Variants in AKAP7 observed in about 807,000 individuals in gnomAD.
The protein encoded by AKAP7 is A kinase (PRKA) anchor protein 7.
Under a neutral mutation model 39.5 loss-of-function variants are expected in AKAP7, and 39 were observed. That is an observed-to-expected ratio of 0.99 (90% CI 0.76 to 1.29). The LOEUF (loss-of-function observed/expected upper bound fraction) is 1.29, where lower values mean the gene tolerates loss of function less well. Ranked by LOEUF, AKAP7 falls within the 50% of genes most tolerant of loss-of-function variation. AKAP7 has a pLI of 0.00. For missense variants in AKAP7, 414 were observed against 407.7 expected (o/e 1.02, Z -0.13); for synonymous variants, 140 against 139.1 (o/e 1.01, Z -0.05).
Position 131,283,071 on chromosome 6 carries a change from C to T in AKAP7, c.*1345C>T, listed in dbSNP as rs905129302. 11 of 153,038 alleles carry T rather than the reference C, an allele frequency of 7.2e-5. No homozygotes were observed. The highest frequency in any genetic ancestry group is 2.1e-4 in the South Asian group (1 of 4,834). 9.5% of individuals were successfully genotyped at this position (153,038 alleles called of 1,614,324 possible). A position where few individuals can be genotyped will look rare whatever the true frequency, so the allele number is the denominator to read the frequency against. ...TTTGAATGTTTATTGAACAATAGTA[C>T]TTGAATGAACATTTATAAATGTAAT... On this transcript the variant is annotated 3_prime_UTR_variant, in exon 8 of 8. Transcript: ENST00000431975.
intron 5 of AKAP7, among the ~76,000 whole-genome samples, chr6:131,178,144 C>T (rs780927239): frequency 7.2e-5 from 11 of 152,172 alleles, no homozygotes; most frequent in Non-Finnish European, 1.3e-4. Flanking sequence ...GCAATGCTTG[C>T]GTCCTTCAGT....
chr6:131,222,347 A>G, intron 7 of AKAP7, among the ~76,000 whole-genome samples: 1 of 152,112 alleles, frequency 6.6e-6, no homozygotes, highest in Non-Finnish European at 1.5e-5. Context: ...AACACCGTGA[A>G]ACCCTGTCTC....
chr6:131,207,728 G>A (rs141479643), intron 6 of AKAP7, among the ~76,000 whole-genome samples: 104 of 151,796 alleles, frequency 6.9e-4, no homozygotes, highest in African/African-American at 2.4e-3. Context: ...TCCTGACCTG[G>A]GAGACAGAAT....
chr6:131,157,420 A>G (rs77421908), intron 2 of AKAP7, among the ~76,000 whole-genome samples: 1 of 152,338 alleles, frequency 6.6e-6, no homozygotes, highest in East Asian at 1.9e-4. Flanking sequence ...GTACTAATTT[A>G]TTAACAGTAG....
At chr6:131,235,121 T>C (rs1040490770) in intron 7 of AKAP7, among the ~76,000 whole-genome samples, 15 of 152,292 alleles carry the variant, frequency 9.8e-5, no homozygotes, top group African/African-American at 3.4e-4. Flanking sequence ...TGTGTTCTCA[T>C]TGTTCAATTC....
At chr6:131,193,151 G>A (rs1484151900) in intron 5 of AKAP7, among the ~76,000 whole-genome samples, 1 of 152,092 alleles carries the variant, frequency 6.6e-6, no homozygotes, top group Non-Finnish European at 1.5e-5. Context: ...TCCTTGTTAT[G>A]TTCCAGATGT....
At chr6:131,273,917 TA>T (rs1267628064) in intron 7 of AKAP7, among the ~76,000 whole-genome samples, 1 of 151,608 alleles carries the variant, frequency 6.6e-6, no homozygotes, top group Non-Finnish European at 1.5e-5. Flanking sequence ...TATTTTTGAG[TA>T]AAGAATTCTG....
In AKAP7 at chr6:131,169,271, C is replaced by T; in HGVS notation, c.587C>T (p.Ala196Val). The T allele has an allele frequency of 1.9e-6, 3 of 1,613,506 alleles. No individual in the cohort carries two copies. Among genetic ancestry groups the T allele is most frequent in the Non-Finnish European group, 2.5e-6 (3 of 1,179,780 alleles). Reference sequence around the variant, plus strand: ...CATGTAAACTCACTTTTGGAGATAGCAGGTAAAACAGCAACACACTCATAT... The same window carrying T: ...CATGTAAACTCACTTTTGGAGATAGTAGGTAAAACAGCAACACACTCATAT... ...GDHVNSLLEI[A>V]ETANRTFQEK... The change falls in exon 5 of 8, where the codon GCA (alanine) becomes GTA (valine). Residue 196 changes from alanine (A) to valine (V), a missense_variant and splice_region_variant. By Grantham distance (64) the Ala-to-Val change is moderately conservative (BLOSUM62 0). Transcript: ENST00000431975.
At chr6:131,259,073 C>T (rs1396380441) in intron 7 of AKAP7, among the ~76,000 whole-genome samples, 1 of 152,122 alleles carries the variant, frequency 6.6e-6, no homozygotes, top group Non-Finnish European at 1.5e-5. Context: ...CTCCTGACTT[C>T]GAGGTCAGAT....
chr6:131,227,862 A>G (rs1181437487), intron 7 of AKAP7, among the ~76,000 whole-genome samples: 1 of 152,168 alleles, frequency 6.6e-6, no homozygotes, highest in African/African-American at 2.4e-5. Context: ...AATCACCCTT[A>G]AGACACTCGG....
At chr6:131,167,448 A>G (rs1803616951) in intron 4 of AKAP7, among the ~76,000 whole-genome samples, 1 of 152,190 alleles carries the variant, frequency 6.6e-6, no homozygotes, top group Non-Finnish European at 1.5e-5. Context: ...TTCATTTAAA[A>G]CAAATATCTT....
chr6:131,276,375 G>A (rs1335905789), intron 7 of AKAP7, among the ~76,000 whole-genome samples: 2 of 151,992 alleles, frequency 1.3e-5, no homozygotes, highest in Non-Finnish European at 1.5e-5. Flanking sequence ...TAAGGGTCCC[G>A]GGACCGTGTC....
chr6:131,251,102 C>T (rs185950579), intron 7 of AKAP7, among the ~76,000 whole-genome samples: 6 of 152,176 alleles, frequency 3.9e-5, no homozygotes, highest in Non-Finnish European at 8.8e-5. Context: ...CTTTGTTCTT[C>T]CTGGATTCAA....
chr6:131,155,648 C>T (rs961214216), intron 2 of AKAP7, among the ~76,000 whole-genome samples: 2 of 152,244 alleles, frequency 1.3e-5, no homozygotes, highest in East Asian at 1.9e-4. Flanking sequence ...GGAATAAATG[C>T]TTGACTTTTT....
At chr6:131,231,107 A>G (rs1810589015) in intron 7 of AKAP7, among the ~76,000 whole-genome samples, 1 of 152,204 alleles carries the variant, frequency 6.6e-6, no homozygotes, top group South Asian at 2.1e-4. Flanking sequence ...CAACACTTTC[A>G]TAAATTAATT....
chr6:131,213,171 C>A (rs1256657978), intron 6 of AKAP7, among the ~76,000 whole-genome samples: 1 of 152,152 alleles, frequency 6.6e-6, no homozygotes, highest in African/African-American at 2.4e-5. Context: ...TGTTATGTGG[C>A]AAGTTAAAGT....
chr6:131,173,692 C>T (rs1053719811), intron 5 of AKAP7, among the ~76,000 whole-genome samples: 4 of 152,158 alleles, frequency 2.6e-5, no homozygotes, highest in Non-Finnish European at 4.4e-5. Context: ...ATCTTTTCTT[C>T]CTGGGCAAAT....
chr6:131,233,815 G>A (rs1810819114), intron 7 of AKAP7, among the ~76,000 whole-genome samples: 1 of 152,174 alleles, frequency 6.6e-6, no homozygotes, highest in Non-Finnish European at 1.5e-5. Context: ...ATTACCTCAT[G>A]AAGTTTCTTC....
chr6:131,146,082 G>C (rs192649069), intron 2 of AKAP7, among the ~76,000 whole-genome samples: 1 of 152,136 alleles, frequency 6.6e-6, no homozygotes, highest in Non-Finnish European at 1.5e-5. Flanking sequence ...ATGTTTACTA[G>C]CTGTTTGGTA....
Sources: gnomAD v4.1 joint callset for allele counts (sites outside exome capture counted in the v4.1 genomes callset) on GRCh38, gnomAD v4.1.1 for gene constraint, MANE v1.5 for transcripts, NCBI Gene and HGNC (gene_info 2026-07-23, HGNC 2026-07-21) for gene names.